Variants in EIF3A observed in about 807,000 individuals in gnomAD.
The protein encoded by EIF3A is EIF3, p180 subunit.
EIF3A carries 21 observed loss-of-function variants against 186.6 expected under a neutral mutation model. The ratio of observed to expected loss-of-function variants is 0.11; its 90% CI spans 0.08 to 0.16. The LOEUF is 0.16. Among genes scored for constraint, EIF3A ranks in the 10% least tolerant of loss-of-function variants. The probability of loss-of-function intolerance (pLI) is 1.00; values close to 1 mark genes in which losing one functional copy is unlikely to be tolerated. For synonymous variants in EIF3A, 563 were observed against 584.3 expected (o/e 0.96, Z 0.52); for missense variants, 1,306 against 1,796.3 (o/e 0.73, Z 4.93).
At chr10:119,073,190 C>G (rs755948558) in intron 3 of EIF3A, 137 bp from the exon 4 acceptor site, 20 of 809,670 alleles carry the variant, frequency 2.5e-5, no homozygotes, top group Non-Finnish European at 3.8e-5. Flanking sequence ...GTGTCACTAT[C>G]TACTCCCTGA....
rs1490846075 is a variant in EIF3A, at chr10:119,070,971, T to C, written c.656A>G (p.Asn219Ser). The change falls in exon 5 of 22, where the codon AAT (asparagine) becomes AGT (serine). Residue 219 changes from asparagine to serine, a missense_variant. Asn to Ser is a conservative substitution (Grantham distance 46, BLOSUM62 1). Coordinates refer to ENST00000369144, the MANE Select transcript of EIF3A (RefSeq NM_003750.4). ...GGACTGGCTCTCTGGATTATTAAGA[T>C]TGATTGCCGTACTTTGGTTATGGTG... ...QRHHNQSTAI[N>S]LNNPESQSMH... 2 of 1,614,000 alleles carry C rather than the reference T, an allele frequency of 1.2e-6. No individual in the cohort carries two copies. The highest frequency in any genetic ancestry group is 1.7e-6 in the Non-Finnish European group (2 of 1,179,822).
In EIF3A at chr10:119,061,254, G is replaced by A; in HGVS notation, c.1197C>T (p.Asn399=). 4 of 1,590,410 alleles carry A rather than the reference G, an allele frequency of 2.5e-6. No homozygotes were observed. Among genetic ancestry groups the A allele is most frequent in the Non-Finnish European group, 3.4e-6 (4 of 1,164,200 alleles). Residue 399 remains asparagine, a synonymous_variant, in exon 8 of 22, where the codon AAC becomes AAT. Coordinates refer to ENST00000369144, the MANE Select transcript of EIF3A (RefSeq NM_003750.4). ...TGACTCGCTCACAGAGTTTTAATGG[G>A]TTAAATTCTACTTCAAGCCAATTGT... ...DLYNWLEVEF[N]PLKLCERVTK... is the part of the protein sequence containing the mutation.
intron 14 of EIF3A, 89 bp from the exon 15 acceptor site, chr10:119,051,410 A>G: frequency 1.1e-5 from 15 of 1,310,126 alleles, no homozygotes; most frequent in Non-Finnish European, 1.4e-5. Flanking sequence ...GAAAAATTAG[A>G]AGCTGCTCCA....
intron 6 of EIF3A, among the ~76,000 whole-genome samples, chr10:119,066,927 T>C (rs1843990555): frequency 6.6e-6 from 1 of 152,118 alleles, no homozygotes; most frequent in African/African-American, 2.4e-5. Flanking sequence ...AACAAACAGA[T>C]GTGGACCAGG....
At chr10:119,044,942 CTTTTTTTTT>C (rs78342491) in intron 17 of EIF3A, among the ~76,000 whole-genome samples, 41 of 140,544 alleles carry the variant, frequency 2.9e-4, no homozygotes, top group East Asian at 2.3e-3. Context: ...ATTTTCTTTT[CTTTTTTTTT>C]TTTTTTTTTT....
At chr10:119,068,453 T>C in intron 6 of EIF3A, among the ~76,000 whole-genome samples, 1 of 151,786 alleles carries the variant, frequency 6.6e-6, no homozygotes, top group East Asian at 1.9e-4. Context: ...ACCAGGAGGA[T>C]CATCTGAGGA....
intron 19 of EIF3A, among the ~76,000 whole-genome samples, chr10:119,041,319 G>A (rs1487073975): frequency 2.6e-5 from 4 of 152,200 alleles, no homozygotes; most frequent in African/African-American, 9.7e-5. Flanking sequence ...CGTTATCCCA[G>A]CACTTCACTT....
At chr10:119,046,147 T>C (rs963764517) in intron 17 of EIF3A, among the ~76,000 whole-genome samples, 1 of 152,148 alleles carries the variant, frequency 6.6e-6, no homozygotes, top group South Asian at 2.1e-4. Flanking sequence ...AACACAGTCT[T>C]AGGGACAGTT....
chr10:119,059,221 A>C lies in EIF3A; in HGVS notation c.1620T>G (p.Ala540=). ...CCGGGAAGATGCATACCAGTATATG[A>C]GCTGGTTTAATGACTTCAAGTGCTT... ...LAKALEVIKP[A]HILQEKEEQH... The change falls in exon 11 of 22, where the codon GCT becomes GCG. Residue 540 remains alanine (A), a synonymous_variant. Coordinates refer to ENST00000369144, the MANE Select transcript of EIF3A (RefSeq NM_003750.4). 6.2e-7 allele frequency: 1 copy of C among 1,613,808 alleles called. No homozygotes were observed. Among genetic ancestry groups the C allele is most frequent in the Non-Finnish European group, 8.5e-7 (1 of 1,179,726 alleles).
chr10:119,044,407 C>T (rs1212003425), intron 17 of EIF3A, among the ~76,000 whole-genome samples: 2 of 152,216 alleles, frequency 1.3e-5, no homozygotes, highest in Non-Finnish European at 2.9e-5. Flanking sequence ...TACAGATTTC[C>T]TTCAACCTAG....
chr10:119,048,909 G>A (rs1006307022), intron 17 of EIF3A, among the ~76,000 whole-genome samples: 5 of 152,006 alleles, frequency 3.3e-5, no homozygotes, highest in African/African-American at 7.3e-5. Flanking sequence ...TTCGCGATCC[G>A]CACGCCTCGG....
rs774654035 is a variant in EIF3A at position 119,036,167 on chromosome 10, T to C, written c.4021A>G (p.Arg1341Gly). Reference protein sequence around the residue: ...PPPALSRDRERDRDREREGEK... With the variant: ...PPPALSRDREGDRDREREGEK... ...CCTTCTCTTTCTCGGTCTCGGTCTCTTTCTCGGTCTCTTGAAAGAGCTGGG... is the reference window on the plus strand; with the variant it reads ...CCTTCTCTTTCTCGGTCTCGGTCTCCTTCTCGGTCTCTTGAAAGAGCTGGG... Residue 1341 changes from arginine to glycine, a missense_variant, in exon 22 of 22, where the codon AGA becomes GGA. Transcript: ENST00000369144. 6.2e-7 allele frequency: 1 copy of C among 1,613,752 alleles called. No individual in the cohort carries two copies. Among genetic ancestry groups the C allele is most frequent in the South Asian group, 1.1e-5 (1 of 91,064 alleles).
intron 14 of EIF3A, among the ~76,000 whole-genome samples, chr10:119,052,982 C>T (rs1195272269): frequency 4.6e-5 from 7 of 152,156 alleles, no homozygotes; most frequent in Admixed American, 3.3e-4. Flanking sequence ...CCTAGATCTA[C>T]GGGCTGCAGA....
At chr10:119,072,748 T>A (rs899052267) in intron 4 of EIF3A, 142 bp downstream of exon 4, 14 of 1,009,882 alleles carry the variant, frequency 1.4e-5, no homozygotes, top group African/African-American at 1.3e-4. Context: ...AGCCACCACA[T>A]CCGGCCGCAG....
At chr10:119,078,487 TA>T (rs1844210473) in intron 1 of EIF3A, among the ~76,000 whole-genome samples, 2 of 152,274 alleles carry the variant, frequency 1.3e-5, no homozygotes, top group South Asian at 4.1e-4. Context: ...AAAATGAGAT[TA>T]TTTCCAATTA....
chr10:119,073,598 C>T, intron 2 of EIF3A, 21 bp from the exon 3 acceptor site: 4 of 1,604,292 alleles, frequency 2.5e-6, no homozygotes, highest in Non-Finnish European at 3.4e-6. Flanking sequence ...AAAACAAAAA[C>T]TCTTCAGAAC....
intron 9 of EIF3A, 81 bp from the exon 10 acceptor site, chr10:119,059,799 G>A: frequency 1.1e-6 from 1 of 907,944 alleles, no homozygotes; most frequent in Non-Finnish European, 1.8e-6. Context: ...ACAGTCATGG[G>A]AAGTAGAAAT....
chr10:119,076,834 G>A (rs1296176961), intron 1 of EIF3A, among the ~76,000 whole-genome samples: 1 of 151,082 alleles, frequency 6.6e-6, no homozygotes, highest in Non-Finnish European at 1.5e-5. Context: ...TACTCGGGAG[G>A]CTGAGACTTT....
chr10:119,063,338 T>C (rs2119819724), intron 7 of EIF3A, among the ~76,000 whole-genome samples: 1 of 152,320 alleles, frequency 6.6e-6, no homozygotes, highest in South Asian at 2.1e-4. Flanking sequence ...ACAAAGTGAA[T>C]CTGCATTACT....
Sources: gnomAD v4.1 joint callset for allele counts (sites outside exome capture counted in the v4.1 genomes callset) on GRCh38, gnomAD v4.1.1 for gene constraint, MANE v1.5 for transcripts, NCBI Gene and HGNC (gene_info 2026-07-23, HGNC 2026-07-21) for gene names.